Variants in ASTN1 observed in about 807,000 individuals in gnomAD.
The protein encoded by ASTN1 is astrotactin 1, also known as astrotactin-1.
Under a neutral mutation model 140.7 loss-of-function variants are expected in ASTN1, and 41 were observed. The ratio of observed to expected loss-of-function variants is 0.29; its 90% CI spans 0.23 to 0.38. The LOEUF (loss-of-function observed/expected upper bound fraction) is 0.38, where lower values mean the gene tolerates loss of function less well. Ranked by LOEUF, ASTN1 falls within the 10% of genes least tolerant of loss-of-function variation. The probability of loss-of-function intolerance (pLI) is 1.00; values close to 1 mark genes in which losing one functional copy is unlikely to be tolerated. For synonymous variants in ASTN1, 640 were observed against 652.2 expected, an observed-to-expected ratio of 0.98 and a Z score of 0.29; for missense variants, 1,479 against 1,678.8, an observed-to-expected ratio of 0.88 and a Z score of 2.08.
At chr1:177,100,953 C>T (rs1458746353) in intron 1 of ASTN1, among the ~76,000 whole-genome samples, 1 of 152,090 alleles carries the variant, frequency 6.6e-6, no homozygotes, top group East Asian at 1.9e-4. Context: ...ATTAGCCAGG[C>T]ATAGTGGCGG....
At chr1:176,976,912 G>A (rs1673386959) in intron 8 of ASTN1, 1 of 152,194 alleles carries the variant, frequency 6.6e-6, no homozygotes, top group African/African-American at 2.4e-5. Context: ...CCCTGTACAA[G>A]AAAAACAGTT....
At chr1:177,101,370 T>A (rs908543846) in intron 1 of ASTN1, among the ~76,000 whole-genome samples, 7 of 152,184 alleles carry the variant, frequency 4.6e-5, no homozygotes, top group Non-Finnish European at 8.8e-5. Flanking sequence ...TATTTTTCAG[T>A]GACAATGAAC....
rs1359777116 is a variant in ASTN1, at chr1:176,887,983, T to C, written c.3074+88A>G. 3.2e-6 allele frequency: 5 copies of C among 1,563,238 alleles called. No homozygotes were observed. The Admixed American group carries it at 8.7e-5, about 27-fold the overall frequency. On this transcript the variant is annotated intron_variant, in intron 18 of 22. Coordinates refer to ENST00000361833, the MANE Select transcript of ASTN1 (RefSeq NM_004319.3). ...GTATTGTGTCATATTTTTCTTTGTTTCCCAGTACCCAGCCTATTTCTTTGC... is the reference window on the plus strand; with the variant it reads ...GTATTGTGTCATATTTTTCTTTGTTCCCCAGTACCCAGCCTATTTCTTTGC...
intron 8 of ASTN1, among the ~76,000 whole-genome samples, chr1:176,991,434 ACC>A (rs146298591): frequency 9.6e-3 from 100 of 10,432 alleles, no homozygotes; most frequent in African/African-American, 0.017. Context: ...AAAAAAAAAA[ACC>A]AAAAAAAAAA....
chr1:176,903,585 C>G (rs1669859700), intron 16 of ASTN1, among the ~76,000 whole-genome samples: 1 of 152,162 alleles, frequency 6.6e-6, no homozygotes, highest in Admixed American at 6.6e-5. Flanking sequence ...TGAAACCTTT[C>G]GTATGGCAAT....
chr1:177,162,792 C>A (rs1281124157), intron 1 of ASTN1, among the ~76,000 whole-genome samples: 1 of 152,196 alleles, frequency 6.6e-6, no homozygotes, highest in African/African-American at 2.4e-5. Context: ...TCAACGTGAA[C>A]TTTCCATCCT....
At chr1:177,162,407 T>C (rs1261911797) in intron 1 of ASTN1, among the ~76,000 whole-genome samples, 1 of 152,004 alleles carries the variant, frequency 6.6e-6, no homozygotes, top group Non-Finnish European at 1.5e-5. Flanking sequence ...AGTGAGAGAG[T>C]GTGTCTGTGT....
intron 2 of ASTN1, among the ~76,000 whole-genome samples, chr1:177,053,377 G>A (rs1004432925): frequency 2.0e-5 from 3 of 152,136 alleles, no homozygotes; most frequent in African/African-American, 4.8e-5. Context: ...TGAACTTCAG[G>A]AAAGAGAAAA....
intron 8 of ASTN1, among the ~76,000 whole-genome samples, chr1:176,966,682 C>G (rs760796691): frequency 6.6e-6 from 1 of 151,922 alleles, no homozygotes. Flanking sequence ...TCACGCATAT[C>G]ATAATACAGT....
At chr1:177,011,940 T>C (rs1675316859) in intron 8 of ASTN1, among the ~76,000 whole-genome samples, 1 of 152,226 alleles carries the variant, frequency 6.6e-6, no homozygotes, top group Non-Finnish European at 1.5e-5. Flanking sequence ...TTGACCTTGA[T>C]ACTTCACTAA....
chr1:176,937,277 TTTACCA>T (rs145992569), intron 14 of ASTN1, among the ~76,000 whole-genome samples: 17,221 of 152,172 alleles, frequency 0.11, 1,252 homozygotes, highest in Admixed American at 0.18. Flanking sequence ...TTATTTCTTC[TTTACCA>T]GAAGGAACAG....
intron 1 of ASTN1, 42 bp from the exon 2 acceptor site, chr1:177,061,307 G>T: frequency 7.0e-7 from 1 of 1,428,566 alleles, no homozygotes; most frequent in Non-Finnish European, 9.2e-7. Context: ...AATTAGGATG[G>T]GACCAAGTTT....
rs115077367 is a variant in ASTN1 at position 177,043,689 on chromosome 1, C to T, written c.472-10840G>A. Among the ~76,000 whole-genome samples, 870 of 152,254 alleles carry T rather than the reference C, an allele frequency of 5.7e-3. 3 individuals are homozygous for T. The highest frequency in any genetic ancestry group is 9.1e-3 in the Non-Finnish European group (616 of 68,020). On this transcript the variant is annotated intron_variant, in intron 2 of 22. Transcript: ENST00000361833. ...TCAATCTTGGCATCCAAGTAAGATGCACATTAGAGCTCAAGAATTGTAGCA... is the reference window on the plus strand; with the variant it reads ...TCAATCTTGGCATCCAAGTAAGATGTACATTAGAGCTCAAGAATTGTAGCA...
chr1:176,987,047 G>A (rs923896478), intron 8 of ASTN1, among the ~76,000 whole-genome samples: 3 of 152,242 alleles, frequency 2.0e-5, no homozygotes, highest in African/African-American at 7.2e-5. Context: ...CAACTGGAGG[G>A]TGGGGTGCTA....
intron 1 of ASTN1, among the ~76,000 whole-genome samples, chr1:177,119,137 T>C (rs935094943): frequency 1.3e-5 from 2 of 152,118 alleles, no homozygotes; most frequent in African/African-American, 4.8e-5. Context: ...ACTCATCTCA[T>C]GGCATGGTAA....
intron 1 of ASTN1, among the ~76,000 whole-genome samples, chr1:177,161,241 C>T (rs1296464294): frequency 6.6e-6 from 1 of 152,168 alleles, no homozygotes; most frequent in Non-Finnish European, 1.5e-5. Context: ...CTCTACAGAG[C>T]CAGGCCCAGT....
chr1:177,103,045 T>G (rs1680376075), intron 1 of ASTN1, among the ~76,000 whole-genome samples: 1 of 152,150 alleles, frequency 6.6e-6, no homozygotes, highest in Admixed American at 6.5e-5. Context: ...AACACCTACC[T>G]GCAACTGTGT....
chr1:176,923,769 C>A (rs1394801404), intron 16 of ASTN1, among the ~76,000 whole-genome samples: 1 of 152,040 alleles, frequency 6.6e-6, no homozygotes, highest in Non-Finnish European at 1.5e-5. Context: ...AGATTCCCTG[C>A]AAATAAAGGG....
chr1:176,900,502 T>C (rs1194308745), intron 16 of ASTN1, among the ~76,000 whole-genome samples: 20 of 152,138 alleles, frequency 1.3e-4, no homozygotes, highest in Non-Finnish European at 1.9e-4. Flanking sequence ...TCTTATGAAA[T>C]TTACATTCAT....
Sources: gnomAD v4.1 joint callset for allele counts (sites outside exome capture counted in the v4.1 genomes callset) on GRCh38, gnomAD v4.1.1 for gene constraint, MANE v1.5 for transcripts, NCBI Gene and HGNC (gene_info 2026-07-23, HGNC 2026-07-21) for gene names.